The following CSMD1 variants were observed in gnomAD, a reference collection of about 807,000 sequenced individuals.
CSMD1 encodes the protein CUB and Sushi multiple domains 1, also known as CUB and sushi domain-containing protein 1.
A neutral mutation model predicts 417.5 loss-of-function variants in CSMD1; 213 were observed. That is an observed-to-expected ratio of 0.51 (90% CI 0.46 to 0.57). The LOEUF is 0.57. CSMD1 is among the 20% of genes least tolerant of loss of function. The pLI, the probability that CSMD1 is intolerant of heterozygous loss-of-function variation, is 0.00. For synonymous variants in CSMD1, 2,862 were observed against 1,736.8 expected, an observed-to-expected ratio of 1.65 and a Z score of -16.11; for missense variants, 6,923 against 4,529.7, an observed-to-expected ratio of 1.53 and a Z score of -15.17.
intron 33 of CSMD1, among the ~76,000 whole-genome samples, chr8:3,196,408 T>C (rs966182455): frequency 2.0e-5 from 3 of 152,202 alleles, no homozygotes; most frequent in African/African-American, 7.2e-5. Context: ...TCTTTATTCC[T>C]TAACTTTCCT....
intron 23 of CSMD1, among the ~76,000 whole-genome samples, chr8:3,333,583 G>C (rs1807046349): frequency 6.6e-6 from 1 of 152,176 alleles, no homozygotes; most frequent in Admixed American, 6.5e-5. Flanking sequence ...GTAGATATTA[G>C]AGCAGCATAA....
chr8:4,979,569 T>C (rs1810761956), intron 1 of CSMD1, among the ~76,000 whole-genome samples: 1 of 152,216 alleles, frequency 6.6e-6, no homozygotes, highest in East Asian at 1.9e-4. Context: ...TTTGAAATCA[T>C]TTTTTCCTTC....
intron 3 of CSMD1, among the ~76,000 whole-genome samples, chr8:4,067,811 G>C (rs1397435250): frequency 6.6e-6 from 1 of 152,136 alleles, no homozygotes; most frequent in Admixed American, 6.6e-5. Context: ...AGATACAGTG[G>C]CTCATGTCTG....
intron 2 of CSMD1, among the ~76,000 whole-genome samples, chr8:4,540,280 C>A (rs1797315169): frequency 6.6e-6 from 1 of 151,986 alleles, no homozygotes; most frequent in South Asian, 2.1e-4. Flanking sequence ...AGATTTCTGC[C>A]CATAAACATC....
At chr8:3,417,522 G>A (rs1281588109) in intron 12 of CSMD1, among the ~76,000 whole-genome samples, 1 of 152,094 alleles carries the variant, frequency 6.6e-6, no homozygotes, top group Non-Finnish European at 1.5e-5. Context: ...CTGAACTTAA[G>A]GCTTAAAAAC....
chr8:2,972,318 T>G (rs1022533353), intron 57 of CSMD1, among the ~76,000 whole-genome samples: 3 of 152,220 alleles, frequency 2.0e-5, no homozygotes, highest in Non-Finnish European at 2.9e-5. Flanking sequence ...GTAAAATTAT[T>G]TGGTTGGAAA....
intron 2 of CSMD1, among the ~76,000 whole-genome samples, chr8:4,428,490 A>G (rs890212026): frequency 6.6e-6 from 1 of 152,204 alleles, no homozygotes; most frequent in Non-Finnish European, 1.5e-5. Flanking sequence ...CATGCCTGGC[A>G]TATGTGTATC....
chr8:4,573,184 G>C (rs1585269308), intron 2 of CSMD1, among the ~76,000 whole-genome samples: 1 of 152,138 alleles, frequency 6.6e-6, no homozygotes, highest in Non-Finnish European at 1.5e-5. Context: ...GTGATCCTTT[G>C]GAGGAGAAGA....
At chr8:2,980,790 C>T (rs1805340742) in intron 54 of CSMD1, among the ~76,000 whole-genome samples, 1 of 152,186 alleles carries the variant, frequency 6.6e-6, no homozygotes, top group African/African-American at 2.4e-5. Context: ...CATTTTGCAA[C>T]CTTACATTGC....
At chr8:4,925,639 C>T (rs1267155018) in intron 1 of CSMD1, among the ~76,000 whole-genome samples, 2 of 151,800 alleles carry the variant, frequency 1.3e-5, no homozygotes, top group African/African-American at 4.8e-5. Context: ...CTCTGCCTCC[C>T]GGGTTCACGC....
intron 1 of CSMD1, among the ~76,000 whole-genome samples, chr8:4,852,204 G>C (rs187678416): frequency 2.0e-5 from 3 of 152,104 alleles, no homozygotes; most frequent in South Asian, 4.2e-4. Flanking sequence ...TACTTATATG[G>C]TTTGGATATT....
At chr8:3,367,985 CT>C (rs573485647) in intron 19 of CSMD1, among the ~76,000 whole-genome samples, 11 of 149,736 alleles carry the variant, frequency 7.3e-5, no homozygotes, top group Non-Finnish European at 1.5e-4. Flanking sequence ...GAAAAACTTC[CT>C]TAAAAATGTA....
intron 3 of CSMD1, among the ~76,000 whole-genome samples, chr8:4,084,333 G>GAAA (rs56138357): frequency 2.4e-4 from 35 of 146,988 alleles, no homozygotes; most frequent in African/African-American, 8.6e-4. Context: ...TGTTAAAAAA[G>GAAA]AAAAAAAAAA....
At chr8:3,350,390 G>C (rs1808339194) in intron 21 of CSMD1, among the ~76,000 whole-genome samples, 3 of 152,006 alleles carry the variant, frequency 2.0e-5, no homozygotes, top group African/African-American at 4.8e-5. Context: ...ATTTACAGAT[G>C]AGGAAACTGA....
intron 4 of CSMD1, among the ~76,000 whole-genome samples, chr8:4,003,963 A>G (rs1005558599): frequency 6.6e-5 from 10 of 152,174 alleles, no homozygotes; most frequent in Admixed American, 5.9e-4. Flanking sequence ...AAAAACCATC[A>G]ACTGGAAAAC....
intron 2 of CSMD1, among the ~76,000 whole-genome samples, chr8:4,459,046 G>A (rs542796621): frequency 7.2e-5 from 11 of 152,082 alleles, no homozygotes; most frequent in Non-Finnish European, 1.3e-4. Context: ...TCCAATCTAG[G>A]TGAGTATGGC....
chr8:4,208,543 T>C (rs1800115639), intron 3 of CSMD1, among the ~76,000 whole-genome samples: 1 of 152,230 alleles, frequency 6.6e-6, no homozygotes, highest in Non-Finnish European at 1.5e-5. Context: ...ATTTTTAAAC[T>C]TCAATATCAG....
At chr8:4,110,802 G>GT (rs1801811820) in intron 3 of CSMD1, among the ~76,000 whole-genome samples, 1 of 152,026 alleles carries the variant, frequency 6.6e-6, no homozygotes, top group Admixed American at 6.6e-5. Flanking sequence ...GAATATGTAT[G>GT]TTTTTAAATG....
chr8:2,958,958 A>G (rs1344201864), intron 62 of CSMD1, among the ~76,000 whole-genome samples: 1 of 152,268 alleles, frequency 6.6e-6, no homozygotes, highest in African/African-American at 2.4e-5. Context: ...GAGAAAAAAA[A>G]TGCTGCTTCT....
Sources: allele counts gnomAD v4.1 joint callset (sites outside exome capture counted in the v4.1 genomes callset), GRCh38; gene constraint gnomAD v4.1.1; transcripts MANE v1.5; gene names NCBI Gene and HGNC (gene_info 2026-07-23, HGNC 2026-07-21).